SYCE2: variants seen among roughly 807,000 people sequenced by gnomAD.
SYCE2 encodes the protein central element synaptonemal complex 1.
Under a neutral mutation model 27.9 loss-of-function variants are expected in SYCE2, and 3 were observed. The observed-to-expected ratio is 0.11, with a 90% confidence interval of 0.05 to 0.28. The LOEUF (loss-of-function observed/expected upper bound fraction) is 0.28. Ranked by LOEUF, SYCE2 falls within the 10% of genes least tolerant of loss-of-function variation. The pLI is 1.00. For synonymous variants in SYCE2, 85 were observed against 100.7 expected (o/e 0.84, Z 0.93); for missense variants, 207 against 263.5 (o/e 0.79, Z 1.48).
chr19:12,900,071 G>A lies in SYCE2; in HGVS notation c.545C>T (p.Pro182Leu), dbSNP rs747163093. ...GGGCTGTGAGTTGCCGGGACGTGGT[G>A]GGGACTTTCCCCTAGAGTGGTCTGG... Reference protein sequence around the residue: ...WGPDHSRGKSPPRPGNSQPPD... With the variant: ...WGPDHSRGKSLPRPGNSQPPD... The change falls in exon 5 of 6, where the codon CCA becomes CTA. Residue 182 changes from proline to leucine, a missense_variant. Coordinates refer to ENST00000293695, the MANE Select transcript of SYCE2 (RefSeq NM_001105578.2). 1.2e-5 allele frequency: 20 copies of A among 1,613,544 alleles called. No homozygotes were observed. In the African/African-American group the frequency reaches 1.3e-4, roughly 11 times the overall value.
chr19:12,899,279 A>G lies in SYCE2; in HGVS notation c.*62T>C. The G allele has an allele frequency of 7.0e-7, 1 of 1,434,656 alleles. No homozygotes were observed. Among genetic ancestry groups the G allele is most frequent in the African/African-American group, 1.4e-5 (1 of 71,244 alleles). 88.9% of individuals were successfully genotyped at this position (1,434,656 alleles called of 1,614,324 possible). ...AAAAACAATTTCTCAGTGTGGCCCAAATGGTGGCCTCACAGTCTTCTCCTG... is the reference window on the plus strand; with the variant it reads ...AAAAACAATTTCTCAGTGTGGCCCAGATGGTGGCCTCACAGTCTTCTCCTG... On this transcript the variant is annotated 3_prime_UTR_variant, in exon 6 of 6. Coordinates refer to ENST00000293695, the MANE Select transcript of SYCE2 (RefSeq NM_001105578.2).
intron 1 of SYCE2, among the ~76,000 whole-genome samples, chr19:12,918,749 C>T (rs956684786): frequency 3.3e-5 from 5 of 151,810 alleles, no homozygotes; most frequent in African/African-American, 7.3e-5. Context: ...GTCAGGAGTG[C>T]GAGAACAGCC....
intron 2 of SYCE2, among the ~76,000 whole-genome samples, chr19:12,906,709 C>T (rs1278970255): frequency 6.6e-6 from 1 of 151,944 alleles, no homozygotes; most frequent in African/African-American, 2.4e-5. Flanking sequence ...GAGTTCGAGA[C>T]CAGCCTGGCC....
intron 2 of SYCE2, among the ~76,000 whole-genome samples, chr19:12,905,305 T>C (rs1475879204): frequency 2.0e-5 from 3 of 152,198 alleles, no homozygotes; most frequent in South Asian, 4.1e-4. Flanking sequence ...CTTTGGAATT[T>C]TGGAATACCA....
chr19:12,903,834 G>A lies in SYCE2; in HGVS notation c.306+658C>T, dbSNP rs148299198. Among the ~76,000 whole-genome samples the A allele has an allele frequency of 8.5e-3, 1,297 of 152,256 alleles. 19 individuals carry two copies. The highest frequency in any genetic ancestry group is 0.029 in the African/African-American group (1,223 of 41,568). On this transcript the variant is annotated intron_variant, in intron 3 of 5. Transcript: ENST00000293695. ...GCTGGTCTCGAACTCCTGGCCTCAA[G>A]TGATCCACCTGCCTCGGCCTTCCAA...
chr19:12,906,675 G>A (rs1267972942), intron 2 of SYCE2, among the ~76,000 whole-genome samples: 3 of 152,140 alleles, frequency 2.0e-5, no homozygotes, highest in Admixed American at 6.6e-5. Flanking sequence ...TTGGGAGGCC[G>A]AGGTGGGTGG....
At chr19:12,901,953 G>A (rs562610073) in intron 3 of SYCE2, among the ~76,000 whole-genome samples, 3 of 152,168 alleles carry the variant, frequency 2.0e-5, no homozygotes, top group South Asian at 2.1e-4. Context: ...ATATACAGTC[G>A]TGTGCTGCAT....
At chr19:12,919,130 G>A in intron 1 of SYCE2, 113 bp downstream of exon 1, 3 of 1,438,710 alleles carry the variant, frequency 2.1e-6, no homozygotes, top group South Asian at 2.3e-5. Context: ...GAGCCCCAAT[G>A]GCAAAGGACA....
chr19:12,907,893 C>T (rs1008222434), intron 2 of SYCE2, among the ~76,000 whole-genome samples: 2 of 152,172 alleles, frequency 1.3e-5, no homozygotes, highest in Admixed American at 6.5e-5. Context: ...GCAGGTGAAT[C>T]GTGAGCTCAG....
chr19:12,899,426 GC>G, intron 5 of SYCE2, 41 bp from the exon 6 acceptor site: 1 of 1,614,132 alleles, frequency 6.2e-7, no homozygotes, highest in Non-Finnish European at 8.5e-7. Flanking sequence ...GAAGTTGTGA[GC>G]TATGAAAACT....
chr19:12,899,900 T>C lies in SYCE2; in HGVS notation c.612+104A>G. 3.3e-6 allele frequency: 5 copies of C among 1,505,912 alleles called. No individual in the cohort carries two copies. The South Asian group carries it at 3.4e-5, about 10-fold the overall frequency. 93.3% of individuals were successfully genotyped at this position (1,505,912 alleles called of 1,614,324 possible). On this transcript the variant is annotated intron_variant, in intron 5 of 5. Transcript: ENST00000293695. ...CAGTGCGCCCTCCCTCCCTCCCATC[T>C]GGGGGTAGTGCCTTATGCTGGGTGT... is the stretch of plus-strand genomic sequence containing the variant.
In SYCE2 at chr19:12,914,383, A is replaced by G. The variant is rs77434871; in HGVS notation, c.131+3839T>C. On this transcript the variant is annotated intron_variant, in intron 2 of 5. Transcript: ENST00000293695. ...AGACGCTAAATGCCAAGTTGGGAAG[A>G]GATGTGTAGAATTGGCTCTTTCAAG... Among the ~76,000 whole-genome samples, 242 of 152,284 alleles carry G rather than the reference A, an allele frequency of 1.6e-3. 5 individuals are homozygous for G. The highest frequency in any genetic ancestry group is 5.7e-3 in the African/African-American group (236 of 41,560).
chr19:12,908,153 A>T (rs1052986199), intron 2 of SYCE2, among the ~76,000 whole-genome samples: 1 of 151,970 alleles, frequency 6.6e-6, no homozygotes, highest in African/African-American at 2.4e-5. Flanking sequence ...ACAAACAAAC[A>T]AAACAACCAC....
At chr19:12,917,167 C>CA (rs1971152412) in intron 2 of SYCE2, among the ~76,000 whole-genome samples, 1 of 151,344 alleles carries the variant, frequency 6.6e-6, no homozygotes, top group Non-Finnish European at 1.5e-5. Flanking sequence ...CAGGTTAAAG[C>CA]AATTCTCCTG....
chr19:12,918,481 C>T, intron 1 of SYCE2, 144 bp from the exon 2 acceptor site: 1 of 721,720 alleles, frequency 1.4e-6, no homozygotes, highest in South Asian at 1.7e-5. Flanking sequence ...AGGGCTGGGG[C>T]AGGTGCCATG....
At chr19:12,917,699 G>T (rs1295129671) in intron 2 of SYCE2, among the ~76,000 whole-genome samples, 4 of 96,212 alleles carry the variant, frequency 4.2e-5, no homozygotes, top group East Asian at 3.0e-4. Flanking sequence ...CGGTCTTTTT[G>T]CCCAGGCTGG....
chr19:12,913,681 AATCT>A (rs1971085671), intron 2 of SYCE2, among the ~76,000 whole-genome samples: 2 of 152,086 alleles, frequency 1.3e-5, no homozygotes, highest in South Asian at 4.1e-4. Context: ...CACTGGTTTT[AATCT>A]ATCTGTTTTT....
rs561810938 is a variant in SYCE2 at position 12,908,245 on chromosome 19, G to T, written c.132-3579C>A. Among the ~76,000 whole-genome samples, 26 of 147,100 alleles carry T rather than the reference G, an allele frequency of 1.8e-4. No homozygotes were observed. The South Asian group carries it at 5.3e-3, about 30-fold the overall frequency. ...CTCTTTCCTCCCCATCAAGGCCAAG[G>T]TTCTAGAAGGAGCTGCTTAAATTTT... is the stretch of plus-strand genomic sequence containing the variant. On this transcript the variant is annotated intron_variant, in intron 2 of 5. Coordinates refer to ENST00000293695, the MANE Select transcript of SYCE2 (RefSeq NM_001105578.2).
At position 12,899,047 on chromosome 19, in the gene SYCE2, T is replaced by C. The variant is rs938134014; in HGVS notation, c.*294A>G. The C allele has an allele frequency of 8.6e-6, 4 of 463,172 alleles. No homozygotes were observed. The highest frequency in any genetic ancestry group is 7.9e-6 in the Non-Finnish European group (2 of 251,910). 28.7% of individuals were successfully genotyped at this position (463,172 alleles called of 1,614,324 possible). A position where few individuals can be genotyped will look rare whatever the true frequency, so the allele number is the denominator to read the frequency against. ...GTGTTTCCTTGGAGCTCAGGGGTGCTTTCAGCCTCTGTGGCAAGGAAGCGT... is the reference window on the plus strand; with the variant it reads ...GTGTTTCCTTGGAGCTCAGGGGTGCCTTCAGCCTCTGTGGCAAGGAAGCGT... On this transcript the variant is annotated 3_prime_UTR_variant, in exon 6 of 6. Coordinates refer to ENST00000293695, the MANE Select transcript of SYCE2 (RefSeq NM_001105578.2).
Sources: gnomAD v4.1 joint callset for allele counts (sites outside exome capture counted in the v4.1 genomes callset) on GRCh38, gnomAD v4.1.1 for gene constraint, MANE v1.5 for transcripts, NCBI Gene and HGNC (gene_info 2026-07-23, HGNC 2026-07-21) for gene names.